The following FHDC1 variants were observed in gnomAD, a reference collection of about 807,000 sequenced individuals.
FHDC1 encodes FH2 domain containing 1.
A neutral mutation model predicts 52.6 loss-of-function variants in FHDC1; 25 were observed. The ratio of observed to expected loss-of-function variants is 0.48; its 90% confidence interval spans 0.35 to 0.66. The LOEUF is 0.66. Ranked by LOEUF, FHDC1 falls within the 30% of genes least tolerant of loss-of-function variation. FHDC1 has a pLI of 0.01. For synonymous variants in FHDC1, 616 were observed against 581.5 expected (o/e 1.06, Z -0.85); for missense variants, 1,459 against 1,452.8 (o/e 1.00, Z -0.07).
At chr4:152,957,367 C>T (rs1740128787) in intron 4 of FHDC1, among the ~76,000 whole-genome samples, 1 of 152,142 alleles carries the variant, frequency 6.6e-6, no homozygotes. Flanking sequence ...TTCATTTAAT[C>T]CTTGCAGCAA....
chr4:152,959,439 T>C (rs545780431), intron 4 of FHDC1, among the ~76,000 whole-genome samples: 48 of 152,358 alleles, frequency 3.2e-4, no homozygotes, highest in African/African-American at 1.1e-3. Flanking sequence ...GAAGGAATAA[T>C]TGTTTGTGTG....
upstream of FHDC1, among the ~76,000 whole-genome samples, chr4:152,932,679 A>G (rs1341689788): frequency 5.3e-5 from 8 of 152,208 alleles, no homozygotes; most frequent in Admixed American, 5.2e-4. Context: ...ATATATTTTA[A>G]GAAGAATAAC....
chr4:152,945,607 C>T (rs1460985841), intron 2 of FHDC1, among the ~76,000 whole-genome samples: 2 of 152,092 alleles, frequency 1.3e-5, no homozygotes, highest in Non-Finnish European at 2.9e-5. Context: ...CAGGGGCGTG[C>T]CACAACACCC....
intron 4 of FHDC1, among the ~76,000 whole-genome samples, chr4:152,959,381 G>C (rs1421331483): frequency 6.6e-6 from 1 of 152,134 alleles, no homozygotes; most frequent in Non-Finnish European, 1.5e-5. Flanking sequence ...TTGCTTTTTG[G>C]CTATATACCT....
Position 152,975,544 on chromosome 4 carries a change from T to C in FHDC1, c.2253T>C (p.Ser751=), listed in dbSNP as rs776589491. ...DGKAAPDEPG[S]AALGSVGSSD... ...AGGCTGCCCCCGATGAGCCTGGAAG[T>C]GCAGCTTTGGGATCTGTGGGTAGCA... Residue 751 remains serine, a synonymous_variant, in exon 12 of 12, where the codon AGT becomes AGC. Coordinates refer to ENST00000511601, the MANE Select transcript of FHDC1 (RefSeq NM_001371116.1). 3 of 1,613,562 alleles carry C rather than the reference T, an allele frequency of 1.9e-6. No individual in the cohort carries two copies. The South Asian group carries it at 3.3e-5, about 18-fold the overall frequency.
chr4:152,927,259 T>A, the FHDC1 span, among the ~76,000 whole-genome samples: 2 of 152,224 alleles, frequency 1.3e-5, no homozygotes, highest in African/African-American at 4.8e-5. Flanking sequence ...TCCTATTGGT[T>A]TGAGCCATAA....
At chr4:152,937,624 C>G (rs1255316288) in intron 1 of FHDC1, among the ~76,000 whole-genome samples, 1 of 151,676 alleles carries the variant, frequency 6.6e-6, no homozygotes, top group East Asian at 1.9e-4. Context: ...CCGCGCTGGG[C>G]GCCCGCCCCG....
chr4:152,960,898 G>GT lies in FHDC1; in HGVS notation c.850+60dup, dbSNP rs1020342682. The GT allele has an allele frequency of 1.3e-4, 171 of 1,359,438 alleles. 1 individual carries two copies. The highest frequency in any genetic ancestry group is 5.2e-4 in the Middle Eastern group (2 of 3,814). 84.2% of individuals were successfully genotyped at this position (1,359,438 alleles called of 1,614,324 possible). On this transcript the variant is annotated intron_variant, in intron 6 of 11. Transcript: ENST00000511601. ...TTTGTTTTTATTAATTTCGATAGCA[G>GT]TTTTTTAAAAAAGCCAAATGAAATT...
intron 7 of FHDC1, 33 bp from the exon 8 acceptor site, chr4:152,962,990 C>CGT: frequency 8.9e-7 from 1 of 1,120,824 alleles, no homozygotes; most frequent in Non-Finnish European, 1.3e-6. Flanking sequence ...TGTATGTATA[C>CGT]ATAATTTTTT....
chr4:152,959,948 G>A (rs74815568), intron 4 of FHDC1, among the ~76,000 whole-genome samples: 14,616 of 125,716 alleles, frequency 0.12, 1,423 homozygotes, highest in African/African-American at 0.28. Flanking sequence ...TTAACGTCCC[G>A]TTGTTTAAGC....
intron 2 of FHDC1, among the ~76,000 whole-genome samples, chr4:152,951,592 A>G (rs1308672949): frequency 6.6e-6 from 1 of 151,962 alleles, no homozygotes; most frequent in African/African-American, 2.4e-5. Flanking sequence ...AAGTGACATT[A>G]ACGTTGGTTA....
In FHDC1 at chr4:152,972,383, A is replaced by C; in HGVS notation, c.1225A>C (p.Ile409Leu). The C allele has an allele frequency of 6.3e-7, 1 of 1,595,736 alleles. No individual in the cohort carries two copies. The highest frequency in any genetic ancestry group is 2.2e-5 in the East Asian group (1 of 44,652). Residue 409 changes from isoleucine (I) to leucine (L), a missense_variant, in exon 11 of 12, where the codon ATA becomes CTA. By Grantham distance (5) the Ile-to-Leu change is conservative. Transcript: ENST00000511601. ...TTCGTTTGTTTTTCCGCAGTTTGCC[A>C]TAGAAAAGCTGAGGGAACTGGAATG... ...QQMEDFLQFA[I>L]EKLRELECWK...
At chr4:152,916,110 G>T in the FHDC1 span, among the ~76,000 whole-genome samples, 1 of 149,086 alleles carries the variant, frequency 6.7e-6, no homozygotes, top group Admixed American at 6.9e-5. Flanking sequence ...AACATAATTG[G>T]CTTGGTTTCT....
In FHDC1 at chr4:152,976,304, G is replaced by A. The variant is rs1461945295; in HGVS notation, c.3013G>A (p.Ala1005Thr). ...GCCTGAGGAAAATAAGACCTGCCGC[G>A]CCCACTCCGAGGGCCCTGAGAGTCC... ...QKPEENKTCR[A>T]HSEGPESPKE... Residue 1005 changes from alanine (A) to threonine (T), a missense_variant, in exon 12 of 12, where the codon GCC becomes ACC. Ala to Thr is a moderately conservative substitution (Grantham distance 58, BLOSUM62 0). Coordinates refer to ENST00000511601, the MANE Select transcript of FHDC1 (RefSeq NM_001371116.1). The A allele has an allele frequency of 3.1e-5, 50 of 1,613,426 alleles. No individual in the cohort carries two copies. The highest frequency in any genetic ancestry group is 4.0e-5 in the African/African-American group (3 of 74,874).
At chr4:152,945,999 G>A (rs1739721137) in intron 2 of FHDC1, among the ~76,000 whole-genome samples, 1 of 152,050 alleles carries the variant, frequency 6.6e-6, no homozygotes. Flanking sequence ...TGTCTTTTTT[G>A]TCACTGGTTT....
At chr4:152,957,478 G>C (rs975300485) in intron 4 of FHDC1, among the ~76,000 whole-genome samples, 10 of 152,176 alleles carry the variant, frequency 6.6e-5, no homozygotes, top group African/African-American at 2.4e-4. Flanking sequence ...ATACAGCAGC[G>C]GGGTGGACTT....
intron 4 of FHDC1, among the ~76,000 whole-genome samples, chr4:152,954,866 G>C (rs1740036598): frequency 6.6e-6 from 1 of 152,070 alleles, no homozygotes; most frequent in African/African-American, 2.4e-5. Context: ...AGAAAATGGG[G>C]CAAGGTTCTT....
intron 6 of FHDC1, among the ~76,000 whole-genome samples, chr4:152,962,299 G>A (rs565524657): frequency 2.0e-4 from 31 of 152,098 alleles, no homozygotes; most frequent in Middle Eastern, 3.4e-3. Flanking sequence ...GGGCCCTCGC[G>A]GTTTGTGCTT....
At chr4:152,953,382 T>C (rs1043284074) in intron 2 of FHDC1, 117 bp from the exon 3 acceptor site, 5 of 743,680 alleles carry the variant, frequency 6.7e-6, no homozygotes, top group Non-Finnish European at 8.9e-6. Context: ...GATTTATACA[T>C]TGGGAATTAT....
Sources: allele counts gnomAD v4.1 joint callset (sites outside exome capture counted in the v4.1 genomes callset), GRCh38; gene constraint gnomAD v4.1.1; transcripts MANE v1.5; gene names NCBI Gene and HGNC (gene_info 2026-07-23, HGNC 2026-07-21).